Variants in GRM7 observed in about 807,000 individuals in gnomAD.
GRM7 encodes glutamate metabotropic receptor 7.
GRM7 carries 35 observed loss-of-function variants against 84.5 expected under a neutral mutation model. That is an observed-to-expected ratio of 0.41 (90% CI 0.32 to 0.55). The LOEUF (loss-of-function observed/expected upper bound fraction) is 0.55. Among genes scored for constraint, GRM7 ranks in the 20% least tolerant of loss-of-function variants. The probability of loss-of-function intolerance (pLI) is 0.19; values close to 1 mark genes in which losing one functional copy is unlikely to be tolerated. For missense variants in GRM7, 1,003 were observed against 1,194.6 expected (o/e 0.84, Z 2.36); for synonymous variants, 487 against 455.1 (o/e 1.07, Z -0.89).
At chr3:7,033,597 G>GT (rs975356636) in intron 1 of GRM7, among the ~76,000 whole-genome samples, 58 of 152,150 alleles carry the variant, frequency 3.8e-4, no homozygotes, top group East Asian at 2.1e-3. Context: ...TTTATGAAAG[G>GT]TTTTTTCCCC....
chr3:7,131,401 G>A (rs1455688076), intron 1 of GRM7, among the ~76,000 whole-genome samples: 3 of 152,162 alleles, frequency 2.0e-5, no homozygotes, highest in Admixed American at 2.0e-4. Flanking sequence ...GGTCTCAGTA[G>A]CTGTTGAGGT....
chr3:6,925,124 A>T (rs1697254846), intron 1 of GRM7, among the ~76,000 whole-genome samples: 1 of 152,172 alleles, frequency 6.6e-6, no homozygotes, highest in South Asian at 2.1e-4. Flanking sequence ...GAGAAGACTT[A>T]CTTTTGGGCA....
chr3:7,542,992 C>T (rs2125017204), intron 7 of GRM7, among the ~76,000 whole-genome samples: 1 of 152,306 alleles, frequency 6.6e-6, no homozygotes, highest in South Asian at 2.1e-4. Flanking sequence ...TCCTGACTCT[C>T]TGGTTCCCCA....
At chr3:7,111,810 A>T (rs1279537270) in intron 1 of GRM7, among the ~76,000 whole-genome samples, 1 of 152,168 alleles carries the variant, frequency 6.6e-6, no homozygotes, top group Non-Finnish European at 1.5e-5. Flanking sequence ...TGTAAACTTA[A>T]GATTTGTACA....
intron 8 of GRM7, among the ~76,000 whole-genome samples, chr3:7,602,311 G>A (rs1215522187): frequency 6.6e-6 from 1 of 152,004 alleles, no homozygotes; most frequent in African/African-American, 2.4e-5. Flanking sequence ...TTGTGAATCA[G>A]GTTTTACAAC....
At chr3:7,680,482 C>A in intron 9 of GRM7, 187 bp downstream of exon 9, 1 of 608,736 alleles carries the variant, frequency 1.6e-6, no homozygotes, top group Non-Finnish European at 2.9e-6. Flanking sequence ...TCTTTTTGTT[C>A]CTTGTTGGAA....
intron 7 of GRM7, among the ~76,000 whole-genome samples, chr3:7,478,255 C>G (rs556759357): frequency 6.6e-6 from 1 of 152,244 alleles, no homozygotes; most frequent in African/African-American, 2.4e-5. Context: ...ACCCACTGAC[C>G]TGTTGAAAAA....
intron 4 of GRM7, among the ~76,000 whole-genome samples, chr3:7,412,489 C>T (rs965709911): frequency 3.9e-5 from 6 of 152,136 alleles, no homozygotes; most frequent in South Asian, 4.1e-4. Context: ...CCAAATGAGA[C>T]GCCTGGGATA....
chr3:7,263,476 G>T (rs1470780774), intron 2 of GRM7, among the ~76,000 whole-genome samples: 1 of 152,116 alleles, frequency 6.6e-6, no homozygotes, highest in African/African-American at 2.4e-5. Flanking sequence ...GCTAGCAGGT[G>T]ATGTGGTGCC....
chr3:7,256,802 G>T (rs1559532126), intron 2 of GRM7, among the ~76,000 whole-genome samples: 1 of 152,154 alleles, frequency 6.6e-6, no homozygotes, highest in Admixed American at 6.5e-5. Flanking sequence ...GGGAAACAGA[G>T]ATAGTTTAAT....
At position 6,987,812 on chromosome 3, in the gene GRM7, G is replaced by A. The variant is rs1054964392; in HGVS notation, c.519+125905G>A. On this transcript the variant is annotated intron_variant, in intron 1 of 9. Coordinates refer to ENST00000357716, the MANE Select transcript of GRM7 (RefSeq NM_000844.4). ...TCCTGGAAACAGAGAGACCAGGAAG[G>A]TGGTTCTGGACCTAGCCCAGGGGAA... is the stretch of plus-strand genomic sequence containing the variant. Among the ~76,000 whole-genome samples, 5 of 152,274 alleles carry A rather than the reference G, an allele frequency of 3.3e-5. 1 individual carries two copies. The highest frequency in any genetic ancestry group is 3.3e-4 in the Admixed American group (5 of 15,294).
chr3:7,225,935 A>G (rs1430665719), intron 2 of GRM7, among the ~76,000 whole-genome samples: 2 of 152,160 alleles, frequency 1.3e-5, no homozygotes, highest in South Asian at 2.1e-4. Context: ...GAACAGTTAA[A>G]TATTTTTATA....
chr3:7,389,553 T>C (rs917496294), intron 4 of GRM7, among the ~76,000 whole-genome samples: 1 of 152,160 alleles, frequency 6.6e-6, no homozygotes, highest in African/African-American at 2.4e-5. Flanking sequence ...CAATGTTGGA[T>C]GTGTGTACAT....
chr3:7,119,405 C>T (rs574374023), intron 1 of GRM7, among the ~76,000 whole-genome samples: 2 of 152,136 alleles, frequency 1.3e-5, no homozygotes, highest in Admixed American at 1.3e-4. Flanking sequence ...TAGGTCATTG[C>T]AGTTCATGAT....
intron 4 of GRM7, among the ~76,000 whole-genome samples, chr3:7,409,811 AG>A (rs1252317001): frequency 1.3e-5 from 2 of 152,138 alleles, no homozygotes; most frequent in Non-Finnish European, 2.9e-5. Context: ...CATGTTGGCC[AG>A]GATGGTCTCG....
intron 9 of GRM7, among the ~76,000 whole-genome samples, chr3:7,690,172 A>G (rs1456739553): frequency 6.6e-6 from 1 of 152,180 alleles, no homozygotes; most frequent in Non-Finnish European, 1.5e-5. Flanking sequence ...GCTTTGAAGC[A>G]TACCGTTTTC....
intron 2 of GRM7, among the ~76,000 whole-genome samples, chr3:7,260,603 T>G (rs1204482846): frequency 6.6e-6 from 1 of 152,094 alleles, no homozygotes; most frequent in Non-Finnish European, 1.5e-5. Context: ...TTCTTCTTTA[T>G]TAGTCTAGCT....
Position 7,610,666 on chromosome 3 carries a change from A to G in GRM7, c.2451+31309A>G, listed in dbSNP as rs183023442. On this transcript the variant is annotated intron_variant, in intron 8 of 9. Coordinates refer to ENST00000357716, the MANE Select transcript of GRM7 (RefSeq NM_000844.4). ...ATGGATTAGGTATGAGGTATATCCA[A>G]AGGAAGCATCTTGGGATTTTGTTTC... Among the ~76,000 whole-genome samples, 155 of 152,316 alleles carry G rather than the reference A, an allele frequency of 1.0e-3. 2 individuals carry two copies. Among genetic ancestry groups the G allele is most frequent in the African/African-American group, 3.4e-3 (142 of 41,588 alleles).
At chr3:7,405,717 T>G (rs1283836629) in intron 4 of GRM7, among the ~76,000 whole-genome samples, 1 of 152,172 alleles carries the variant, frequency 6.6e-6, no homozygotes, top group African/African-American at 2.4e-5. Flanking sequence ...TTTGGAGAGA[T>G]AATATTTTAT....
Sources: gnomAD v4.1 joint callset for allele counts (sites outside exome capture counted in the v4.1 genomes callset) on GRCh38, gnomAD v4.1.1 for gene constraint, MANE v1.5 for transcripts, NCBI Gene and HGNC (gene_info 2026-07-23, HGNC 2026-07-21) for gene names.